EYS: variants seen among roughly 807,000 people sequenced by gnomAD.
EYS encodes EGF-like photoreceptor maintenance factor, also known as protein eyes shut homolog.
In EYS, 250 loss-of-function variants were observed where a neutral mutation model predicts 282.1. The ratio of observed to expected loss-of-function variants is 0.89; its 90% confidence interval spans 0.80 to 0.98. The LOEUF is 0.98. Ranked by LOEUF, EYS falls within the 50% of genes least tolerant of loss-of-function variation. EYS has a pLI of 0.00. For missense variants in EYS, 4,016 were observed against 3,709.0 expected, an observed-to-expected ratio of 1.08 and a Z score of -2.15; for synonymous variants, 1,355 against 1,282.9, an observed-to-expected ratio of 1.06 and a Z score of -1.20.
chr6:65,266,329 G>A (rs911548943), intron 12 of EYS, among the ~76,000 whole-genome samples: 4 of 151,844 alleles, frequency 2.6e-5, no homozygotes, highest in African/African-American at 9.7e-5. Context: ...AATAGAAATT[G>A]ATTCTGAAAC....
intron 36 of EYS, among the ~76,000 whole-genome samples, chr6:63,825,309 C>T (rs1189272183): frequency 1.3e-5 from 2 of 152,178 alleles, no homozygotes; most frequent in African/African-American, 4.8e-5. Flanking sequence ...GATGGTCCTT[C>T]CCTACCCACC....
At chr6:64,758,069 C>T (rs1399574537) in intron 22 of EYS, among the ~76,000 whole-genome samples, 2 of 152,038 alleles carry the variant, frequency 1.3e-5, no homozygotes, top group Admixed American at 6.6e-5. Flanking sequence ...CCACTGTGCC[C>T]GGCCCAAAAG....
At chr6:65,460,468 T>C (rs1430133700) in intron 5 of EYS, among the ~76,000 whole-genome samples, 1 of 152,080 alleles carries the variant, frequency 6.6e-6, no homozygotes, top group Admixed American at 6.6e-5. Context: ...CTCTCCATAG[T>C]TGTGAAACTC....
chr6:65,643,022 A>C (rs1024964735), intron 1 of EYS, among the ~76,000 whole-genome samples: 1 of 152,236 alleles, frequency 6.6e-6, no homozygotes, highest in Non-Finnish European at 1.5e-5. Context: ...AGGAAAGCTG[A>C]GAGAATTATC....
In EYS at chr6:63,999,180, G is replaced by A. The variant is rs1357542778; in HGVS notation, c.6729C>T (p.Tyr2243=). ...TNAFTPITIR[Y]TTPVGSPGVV... is the part of the protein sequence containing the mutation. Reference sequence around the variant, plus strand: ...CTCCAGGGCTGCCAACAGGCGTTGTGTAGCTAAACGTAAAACAGAAGAGGC... The same window carrying A: ...CTCCAGGGCTGCCAACAGGCGTTGTATAGCTAAACGTAAAACAGAAGAGGC... Residue 2243 remains tyrosine, a synonymous_variant, in exon 34 of 43, where the codon TAC becomes TAT. Coordinates refer to ENST00000503581, the MANE Select transcript of EYS (RefSeq NM_001142800.2). 2.6e-6 allele frequency: 4 copies of A among 1,549,324 alleles called. No homozygotes were observed. Among genetic ancestry groups the A allele is most frequent in the Non-Finnish European group, 2.6e-6 (3 of 1,145,036 alleles).
chr6:63,831,182 A>T (rs991554136), intron 36 of EYS, among the ~76,000 whole-genome samples: 3 of 152,122 alleles, frequency 2.0e-5, no homozygotes, highest in Non-Finnish European at 4.4e-5. Context: ...AACCAGCTAA[A>T]ATCATAATGA....
At chr6:65,423,731 C>G (rs1274365964) in intron 5 of EYS, among the ~76,000 whole-genome samples, 1 of 151,872 alleles carries the variant, frequency 6.6e-6, no homozygotes, top group African/African-American at 2.4e-5. Context: ...AATTAGGTTA[C>G]CCTCTCCTCC....
At chr6:65,104,987 C>T (rs1041953016) in intron 12 of EYS, among the ~76,000 whole-genome samples, 1 of 151,528 alleles carries the variant, frequency 6.6e-6, no homozygotes, top group Non-Finnish European at 1.5e-5. Context: ...AATATTTCTG[C>T]AGGCAAACAA....
At chr6:64,582,944 A>G (rs1766120906) in intron 26 of EYS, among the ~76,000 whole-genome samples, 1 of 152,156 alleles carries the variant, frequency 6.6e-6, no homozygotes, top group Non-Finnish European at 1.5e-5. Context: ...TTCAGCAGAT[A>G]CAGTTGGCCC....
intron 11 of EYS, among the ~76,000 whole-genome samples, chr6:65,296,611 C>T (rs1768673361): frequency 6.6e-6 from 1 of 151,538 alleles, no homozygotes. Flanking sequence ...TAAGGCAATG[C>T]CAGGTATTCT....
intron 10 of EYS, among the ~76,000 whole-genome samples, chr6:65,337,397 T>C (rs1419770721): frequency 1.3e-5 from 2 of 151,474 alleles, no homozygotes; most frequent in Non-Finnish European, 3.0e-5. Flanking sequence ...CAGAGGATAT[T>C]AGTTGTAAAG....
intron 36 of EYS, among the ~76,000 whole-genome samples, chr6:63,815,353 C>T (rs547405935): frequency 5.6e-4 from 85 of 152,296 alleles, no homozygotes; most frequent in African/African-American, 1.9e-3. Flanking sequence ...AACCCCTGTT[C>T]ATCTGACTCC....
chr6:65,076,230 A>G (rs1353110576), intron 12 of EYS, among the ~76,000 whole-genome samples: 1 of 152,062 alleles, frequency 6.6e-6, no homozygotes, highest in Non-Finnish European at 1.5e-5. Flanking sequence ...GTGGCATTTT[A>G]AGAATCTTGT....
chr6:65,521,899 T>C (rs923143105), intron 2 of EYS, among the ~76,000 whole-genome samples: 14 of 152,190 alleles, frequency 9.2e-5, no homozygotes, highest in Non-Finnish European at 1.6e-4. Context: ...TTAAAAATAT[T>C]TTATTTGATT....
At chr6:65,612,151 A>C (rs1034136) in intron 2 of EYS, among the ~76,000 whole-genome samples, 4,774 of 151,520 alleles carry the variant, frequency 0.032, 313 homozygotes, top group East Asian at 0.3. Flanking sequence ...AAAACAATTA[A>C]TATAACGGTG....
In EYS at chr6:64,822,605, G is replaced by C. The variant is rs996258592; in HGVS notation, c.3164+46C>G. The C allele has an allele frequency of 3.4e-5, 47 of 1,389,946 alleles. No homozygotes were observed. The African/African-American group carries it at 6.5e-4, about 19-fold the overall frequency. The allele number at this position is 1,389,946 out of a possible 1,614,324, so 86.1% of individuals were successfully genotyped here. On this transcript the variant is annotated intron_variant, in intron 20 of 42. Transcript: ENST00000503581. Reference sequence around the variant, plus strand: ...CTTGATGTTAAGTCTTAAATATTGTGAGTTAAATATACTTTCATAAAGCTA... The same window carrying C: ...CTTGATGTTAAGTCTTAAATATTGTCAGTTAAATATACTTTCATAAAGCTA...
chr6:64,368,795 T>G (rs1484898666), intron 29 of EYS, among the ~76,000 whole-genome samples: 1 of 152,224 alleles, frequency 6.6e-6, no homozygotes, highest in African/African-American at 2.4e-5. Flanking sequence ...TTATAGATTC[T>G]GGATACTAGA....
intron 26 of EYS, among the ~76,000 whole-genome samples, chr6:64,477,330 T>C (rs1004335742): frequency 3.3e-5 from 5 of 152,180 alleles, no homozygotes; most frequent in African/African-American, 1.2e-4. Flanking sequence ...ACATAACTCA[T>C]ATTTTATTTA....
At chr6:64,195,551 G>C (rs945844033) in intron 31 of EYS, among the ~76,000 whole-genome samples, 1 of 152,002 alleles carries the variant, frequency 6.6e-6, no homozygotes, top group South Asian at 2.1e-4. Context: ...TCCGCCCCTC[G>C]ACCTCCCAAA....
Sources: allele counts gnomAD v4.1 joint callset (sites outside exome capture counted in the v4.1 genomes callset), GRCh38; gene constraint gnomAD v4.1.1; transcripts MANE v1.5; gene names NCBI Gene and HGNC (gene_info 2026-07-23, HGNC 2026-07-21).